Variants in CHD6 observed in about 807,000 individuals in gnomAD.
CHD6 encodes the protein chromodomain helicase DNA binding protein 6.
CHD6 carries 50 observed loss-of-function variants against 276.9 expected under a neutral mutation model. The observed-to-expected ratio is 0.18, with a 90% CI of 0.14 to 0.23. The LOEUF (loss-of-function observed/expected upper bound fraction) is 0.23. Among genes scored for constraint, CHD6 ranks in the 10% least tolerant of loss-of-function variants. The probability of loss-of-function intolerance (pLI) is 1.00; values close to 1 mark genes in which losing one functional copy is unlikely to be tolerated. For synonymous variants in CHD6, 1,173 were observed against 1,229.3 expected (o/e 0.95, Z 0.96); for missense variants, 2,564 against 3,365.8 (o/e 0.76, Z 5.89).
At chr20:41,560,563 G>A (rs892060575) in intron 1 of CHD6, among the ~76,000 whole-genome samples, 3 of 152,154 alleles carry the variant, frequency 2.0e-5, no homozygotes, top group Non-Finnish European at 4.4e-5. Context: ...TAGCTGTGGA[G>A]GGCCCAAGCA....
intron 15 of CHD6, 68 bp downstream of exon 15, chr20:41,484,284 T>G (rs2043361963): frequency 6.4e-7 from 1 of 1,557,752 alleles, no homozygotes; most frequent in African/African-American, 1.4e-5. Context: ...CATGAGTTAT[T>G]TGATTATCAT....
intron 25 of CHD6, among the ~76,000 whole-genome samples, chr20:41,444,979 T>C (rs189659380): frequency 6.6e-6 from 1 of 152,226 alleles, no homozygotes; most frequent in Non-Finnish European, 1.5e-5. Flanking sequence ...AGGGAAAGTG[T>C]GTATCAGGCA....
chr20:41,413,133 T>G (rs2046892705), intron 35 of CHD6, among the ~76,000 whole-genome samples, 191 bp downstream of exon 35: 1 of 152,218 alleles, frequency 6.6e-6, no homozygotes, highest in Non-Finnish European at 1.5e-5. Context: ...GGGCTATCAT[T>G]TCTATTACTG....
intron 1 of CHD6, among the ~76,000 whole-genome samples, chr20:41,562,145 G>A (rs1304794906): frequency 1.3e-5 from 2 of 151,030 alleles, no homozygotes; most frequent in Non-Finnish European, 2.9e-5. Context: ...TACTTTCTGA[G>A]AAGTTTCCTC....
Position 41,420,952 on chromosome 20 carries a change from C to T in CHD6, c.5683G>A (p.Glu1895Lys), listed in dbSNP as rs752228510. 6.2e-6 allele frequency: 10 copies of T among 1,614,074 alleles called. No homozygotes were observed. Among genetic ancestry groups the T allele is most frequent in the Admixed American group, 3.3e-5 (2 of 60,006 alleles). ...GERPEVLHLT[E>K]PTTNISREKN... ...TCCCTTGAGATGTTAGTAGTGGGCT[C>T]CGTGAGATGCAATACCTCTGGCCTT... is the stretch of plus-strand genomic sequence containing the variant. Residue 1895 changes from glutamate to lysine, a missense_variant, in exon 31 of 37, where the codon GAG becomes AAG. Glu to Lys is a moderately conservative substitution (Grantham distance 56, BLOSUM62 1). Around this residue, in one of 7 missense-constraint regions of CHD6, gnomAD observed 1,024 missense variants for 1,047.9 expected, o/e 0.98. Transcript: ENST00000373233.
chr20:41,479,126 T>C (rs1251380386), intron 16 of CHD6, among the ~76,000 whole-genome samples: 1 of 152,006 alleles, frequency 6.6e-6, no homozygotes, highest in Non-Finnish European at 1.5e-5. Context: ...GTCAGTGAAC[T>C]TGAAGACAGA....
Position 41,403,116 on chromosome 20 carries a change from AAT to A in CHD6, c.*1475_*1476del, listed in dbSNP as rs1301897248. On this transcript the variant is annotated 3_prime_UTR_variant, in exon 37 of 37. Coordinates refer to ENST00000373233, the MANE Select transcript of CHD6 (RefSeq NM_032221.5). ...ATCATAAATAAATAATGCAAAATGAAATAGTTATGTCAGACTTTTGGACCTTC... is the reference window on the plus strand; with the variant it reads ...ATCATAAATAAATAATGCAAAATGAAAGTTATGTCAGACTTTTGGACCTTC... 3.9e-6 allele frequency: 1 copy of A among 256,238 alleles called. No individual in the cohort carries two copies. The highest frequency in any genetic ancestry group is 7.0e-6 in the Non-Finnish European group (1 of 142,802). The allele number at this position is 256,238 out of a possible 1,614,324, so 15.9% of individuals were successfully genotyped here. A position where few individuals can be genotyped will look rare whatever the true frequency, so the allele number is the denominator to read the frequency against.
intron 1 of CHD6, among the ~76,000 whole-genome samples, chr20:41,610,775 A>AT (rs1277235499): frequency 1.3e-5 from 2 of 151,208 alleles, no homozygotes; most frequent in Non-Finnish European, 2.9e-5. Context: ...AAATAAATAA[A>AT]TAAATAAATA....
intron 1 of CHD6, among the ~76,000 whole-genome samples, chr20:41,601,476 T>G (rs1317187528): frequency 6.6e-6 from 1 of 152,194 alleles, no homozygotes; most frequent in Non-Finnish European, 1.5e-5. Context: ...ATTTTTAGTA[T>G]TATGGTCACC....
chr20:41,533,705 C>T, intron 2 of CHD6, 135 bp from the exon 3 acceptor site: 1 of 806,686 alleles, frequency 1.2e-6, no homozygotes, highest in Non-Finnish European at 1.9e-6. Context: ...TCCTATTGTG[C>T]TAGGCCTTGG....
chr20:41,586,260 G>A (rs1035350743), intron 1 of CHD6, among the ~76,000 whole-genome samples: 3 of 152,152 alleles, frequency 2.0e-5, no homozygotes, highest in African/African-American at 4.8e-5. Context: ...ACTGCTGAAC[G>A]CCGTCACAAG....
chr20:41,605,726 T>C lies in CHD6; in HGVS notation c.-24+12614A>G, dbSNP rs574654142. On this transcript the variant is annotated intron_variant, in intron 1 of 36. Transcript: ENST00000373233. ...ATTGTGTAAGACTTATTGTTTTAAC[T>C]AGTAAATTTTAATTTTAATCAGAAC... Among the ~76,000 whole-genome samples, 12 of 152,194 alleles carry C rather than the reference T, an allele frequency of 7.9e-5. No individual in the cohort carries two copies. In the East Asian group the frequency reaches 2.3e-3, roughly 29 times the overall value.
intron 17 of CHD6, among the ~76,000 whole-genome samples, chr20:41,458,048 T>A (rs1294091451): frequency 3.3e-5 from 5 of 152,228 alleles, no homozygotes; most frequent in Non-Finnish European, 7.3e-5. Flanking sequence ...ATTTCTGCTG[T>A]GTCACTGAAC....
chr20:41,475,828 C>T (rs1332648581), intron 16 of CHD6, among the ~76,000 whole-genome samples: 5 of 152,122 alleles, frequency 3.3e-5, no homozygotes, highest in Non-Finnish European at 7.4e-5. Flanking sequence ...GAAATCAATA[C>T]ATAGTGATGA....
At chr20:41,474,707 T>C (rs938017851) in intron 16 of CHD6, among the ~76,000 whole-genome samples, 1 of 152,160 alleles carries the variant, frequency 6.6e-6, no homozygotes, top group African/African-American at 2.4e-5. Flanking sequence ...TAGGGGTAGA[T>C]AATTCTGTGT....
intron 1 of CHD6, among the ~76,000 whole-genome samples, chr20:41,616,258 A>G (rs2045933772): frequency 6.6e-6 from 1 of 152,196 alleles, no homozygotes; most frequent in Non-Finnish European, 1.5e-5. Flanking sequence ...TTATAAAGAT[A>G]TAGAATATTT....
At chr20:41,499,489 G>T in intron 5 of CHD6, 132 bp from the exon 6 acceptor site, 1 of 668,584 alleles carries the variant, frequency 1.5e-6, no homozygotes, top group Non-Finnish European at 2.5e-6. Context: ...CCTCCCATCA[G>T]GCCACAGAGT....
At position 41,489,838 on chromosome 20, in the gene CHD6, G is replaced by A. The variant is rs1024842448; in HGVS notation, c.1620C>T (p.His540=). ...TCATCTGCCTGCTGATCTGGCTGCC[G>A]TGGTACACAATGGCATTCATCTCTG... is the stretch of plus-strand genomic sequence containing the variant. ...TWTEMNAIVY[H]GSQISRQMIQ... The change falls in exon 12 of 37, where the codon CAC becomes CAT. Residue 540 remains histidine, a synonymous_variant. Transcript: ENST00000373233. The A allele has an allele frequency of 5.0e-6, 8 of 1,613,826 alleles. No individual in the cohort carries two copies. The highest frequency in any genetic ancestry group is 2.7e-5 in the African/African-American group (2 of 74,880).
chr20:41,515,281 C>G (rs886813810), intron 3 of CHD6, among the ~76,000 whole-genome samples: 1 of 152,200 alleles, frequency 6.6e-6, no homozygotes, highest in Non-Finnish European at 1.5e-5. Flanking sequence ...TACTAAGAAT[C>G]ATCAAATTAC....
Sources: gnomAD v4.1 joint callset for allele counts (sites outside exome capture counted in the v4.1 genomes callset) on GRCh38, gnomAD v4.1.1 for gene constraint, gnomAD v4.1.1 regional missense constraint, MANE v1.5 for transcripts, NCBI Gene and HGNC (gene_info 2026-07-23, HGNC 2026-07-21) for gene names.